CHD8: variants seen among roughly 807,000 people sequenced by gnomAD.
CHD8 encodes the protein chromodomain helicase DNA binding protein 8.
In CHD8, 31 loss-of-function variants were observed where a neutral mutation model predicts 279.2. The observed-to-expected ratio is 0.11, with a 90% CI of 0.08 to 0.15. The LOEUF (loss-of-function observed/expected upper bound fraction) is 0.15. Ranked by LOEUF, CHD8 falls within the 10% of genes least tolerant of loss-of-function variation. CHD8 has a pLI of 1.00. For missense variants in CHD8, 2,146 were observed against 3,230.5 expected (o/e 0.66, Z 8.14); for synonymous variants, 1,081 against 1,139.6 (o/e 0.95, Z 1.04).
intron 37 of CHD8, among the ~76,000 whole-genome samples, chr14:21,390,452 T>C (rs902220848): frequency 6.6e-6 from 1 of 152,238 alleles, no homozygotes; most frequent in South Asian, 2.1e-4. Context: ...CTCCTAGAGA[T>C]GAAGATACCA....
chr14:21,402,337 C>A lies in CHD8; in HGVS notation c.3881G>T (p.Gly1294Val). The A allele has an allele frequency of 6.2e-7, 1 of 1,613,914 alleles. No individual in the cohort carries two copies. Among genetic ancestry groups the A allele is most frequent in the South Asian group, 1.1e-5 (1 of 91,072 alleles). Residue 1294 changes from glycine (G) to valine (V), a missense_variant and splice_region_variant, in exon 19 of 38, where the codon GGA (glycine) becomes GTA (valine). Around this residue, in one of 26 missense-constraint regions of CHD8, gnomAD observed 35 missense variants for 82.4 expected, o/e 0.42. Transcript: ENST00000646647. This position sits in a 1 kb window ranked among gnomAD's most constrained non-coding sequence, Gnocchi z 4.5. ...TATCTATAAACTAAGAGGACTCACT[C>A]CAGTAATGTTGCCATCCCGACCACT... Reference protein sequence around the residue: ...SMSGRDGNITGIQQFSKKEIE... With the variant: ...SMSGRDGNITVIQQFSKKEIE...
intron 4 of CHD8, chr14:21,427,252 C>G (rs1310083974): frequency 4.4e-6 from 1 of 226,970 alleles, no homozygotes; most frequent in African/African-American, 2.3e-5. Context: ...AATGTCCCAT[C>G]ACAATAGCAA....
chr14:21,405,678 C>G lies in CHD8; in HGVS notation c.3051+43G>C, dbSNP rs749026103. On this transcript the variant is annotated intron_variant, in intron 15 of 37. Transcript: ENST00000646647. This position sits in a 1 kb window ranked among gnomAD's most constrained non-coding sequence, Gnocchi z 4.2. ...GATGTCTGCCTTGTACAAACTTCAC[C>G]TTCTTTGTCCTGAGTTAGTACCTCA... 1.2e-6 allele frequency: 2 copies of G among 1,604,402 alleles called. No homozygotes were observed. Among genetic ancestry groups the G allele is most frequent in the Non-Finnish European group, 1.7e-6 (2 of 1,174,470 alleles).
intron 1 of CHD8, among the ~76,000 whole-genome samples, chr14:21,445,711 A>AAG (rs1566455904): frequency 6.9e-6 from 1 of 145,070 alleles, no homozygotes; most frequent in African/African-American, 2.6e-5. Flanking sequence ...AAAAAAAAAA[A>AAG]AAAAAGTCAG....
intron 2 of CHD8, chr14:21,429,666 G>A (rs1010165587): frequency 3.2e-5 from 13 of 403,792 alleles, no homozygotes; most frequent in Non-Finnish European, 5.8e-5. Flanking sequence ...GCTCCTGGGA[G>A]GTCACCATAT....
rs1394726262 is a variant in CHD8, at chr14:21,408,314, G to A, written c.2728C>T (p.Arg910Trp). The change falls in exon 13 of 38, where the codon CGG becomes TGG. Residue 910 changes from arginine (R) to tryptophan (W), a missense_variant and splice_region_variant. Arg to Trp is a moderately radical substitution (Grantham distance 101, BLOSUM62 -3). Transcript: ENST00000646647. The surrounding 1 kb of genome is among the most constrained non-coding windows in gnomAD (Gnocchi z 4.3). ...TATTCCCAAGACATGCAACTCACCC[G>A]TGAATCTTTGCAGTACATTTCATAC... Reference protein sequence around the residue: ...QQYEMYCKDSRGRLIPGAYKF... With the variant: ...QQYEMYCKDSWGRLIPGAYKF... The A allele has an allele frequency of 7.4e-6, 12 of 1,611,104 alleles. No homozygotes were observed. The highest frequency in any genetic ancestry group is 2.2e-5 in the East Asian group (1 of 44,856).
chr14:21,413,806 T>C (rs1888607957), intron 9 of CHD8: 3 of 154,348 alleles, frequency 1.9e-5, no homozygotes. Context: ...CAACCAAAAC[T>C]ACTCTTATCA....
At chr14:21,393,074 T>C (rs991263169) in intron 33 of CHD8, 32 bp downstream of exon 33, 1 of 1,605,144 alleles carries the variant, frequency 6.2e-7, no homozygotes, top group Non-Finnish European at 8.5e-7. Flanking sequence ...ATTTCTGGAC[T>C]CTACATGTCC....
chr14:21,417,844 A>T (rs1174000695), intron 5 of CHD8, among the ~76,000 whole-genome samples: 1 of 99,016 alleles, frequency 1.0e-5, no homozygotes, highest in Non-Finnish European at 2.1e-5. Context: ...ACACAGTGAG[A>T]CTCTCTCAAA....
chr14:21,437,321 C>A, intron 1 of CHD8: 1 of 1,091,388 alleles, frequency 9.2e-7, no homozygotes, highest in Non-Finnish European at 1.1e-6. Flanking sequence ...AGCGCACTGC[C>A]ACTCACCAAA....
chr14:21,448,477 A>G (rs1322773350), intron 1 of CHD8, among the ~76,000 whole-genome samples: 1 of 152,204 alleles, frequency 6.6e-6, no homozygotes, highest in African/African-American at 2.4e-5. Context: ...ACAATTTTCA[A>G]AGGCACAGCT....
intron 1 of CHD8, among the ~76,000 whole-genome samples, chr14:21,435,043 A>G (rs1889723078): frequency 6.6e-6 from 1 of 152,216 alleles, no homozygotes; most frequent in Non-Finnish European, 1.5e-5. Context: ...AGTCACACCA[A>G]CTTTTATCAT....
In CHD8 at chr14:21,408,204, T is replaced by G. The variant is rs985040761; in HGVS notation, c.2730+108A>C. 1 of 1,322,832 alleles carries G rather than the reference T, an allele frequency of 7.6e-7. No homozygotes were observed. The highest frequency in any genetic ancestry group is 1.5e-5 in the African/African-American group (1 of 68,462). The allele number at this position is 1,322,832 out of a possible 1,614,324, so 81.9% of individuals were successfully genotyped here. A position where few individuals can be genotyped will look rare whatever the true frequency, so the allele number is the denominator to read the frequency against. On this transcript the variant is annotated intron_variant, in intron 13 of 37. Transcript: ENST00000646647. The surrounding 1 kb of genome is among the most constrained non-coding windows in gnomAD (Gnocchi z 4.3). ...AACCATAGGCATTTTTGCATAGGCA[T>G]ATTGAAGACTTTCAATAAAAGTCTT...
intron 37 of CHD8, among the ~76,000 whole-genome samples, chr14:21,386,752 T>C (rs1247201992): frequency 6.6e-6 from 1 of 150,380 alleles, no homozygotes; most frequent in East Asian, 2.0e-4. Context: ...GGCAGGAGAA[T>C]GGTGTGAACC....
intron 1 of CHD8, among the ~76,000 whole-genome samples, chr14:21,447,397 G>C (rs1205868388): frequency 2.7e-5 from 4 of 149,818 alleles, no homozygotes; most frequent in African/African-American, 9.9e-5. Flanking sequence ...TTTGAGACAG[G>C]GTCTCCCCAT....
chr14:21,434,231 G>A (rs1469553667), intron 1 of CHD8, among the ~76,000 whole-genome samples: 1 of 151,992 alleles, frequency 6.6e-6, no homozygotes, highest in Non-Finnish European at 1.5e-5. Flanking sequence ...TTTTAGTAGA[G>A]ACAGGTTTTC....
intron 13 of CHD8, 57 bp from the exon 14 acceptor site, chr14:21,407,089 T>C (rs1888283276): frequency 1.4e-6 from 2 of 1,401,362 alleles, no homozygotes; most frequent in Non-Finnish European, 1.9e-6. Flanking sequence ...AATGAGGAGC[T>C]TTTCTGAATT....
chr14:21,392,946 ATT>A, intron 33 of CHD8, 137 bp from the exon 34 acceptor site: 1 of 1,164,032 alleles, frequency 8.6e-7, no homozygotes. Context: ...TACTATTAAG[ATT>A]CCTAAGTCAA....
intron 5 of CHD8, among the ~76,000 whole-genome samples, chr14:21,422,808 A>T (rs866471018): frequency 6.6e-6 from 1 of 151,938 alleles, no homozygotes; most frequent in Non-Finnish European, 1.5e-5. Flanking sequence ...GCACACCTAT[A>T]ATCCCAGCTA....
Sources: gnomAD v4.1 joint callset for allele counts (sites outside exome capture counted in the v4.1 genomes callset) on GRCh38, gnomAD v4.1.1 for gene constraint, gnomAD v4.1.1 regional missense constraint, Gnocchi (gnomAD v3.1) non-coding constraint, MANE v1.5 for transcripts, NCBI Gene and HGNC (gene_info 2026-07-23, HGNC 2026-07-21) for gene names.